TBC1D22A: variants seen among roughly 807,000 people sequenced by gnomAD.
TBC1D22A encodes putative GTPase activator.
A neutral mutation model predicts 60.2 loss-of-function variants in TBC1D22A; 38 were observed. The ratio of observed to expected loss-of-function variants is 0.63; its 90% CI spans 0.49 to 0.83. TBC1D22A has a LOEUF of 0.83. Among genes scored for constraint, TBC1D22A ranks in the 40% least tolerant of loss-of-function variants. The pLI is 0.00. For missense variants in TBC1D22A, 628 were observed against 701.0 expected (o/e 0.90, Z 1.18); for synonymous variants, 302 against 281.7 (o/e 1.07, Z -0.72).
intron 8 of TBC1D22A, among the ~76,000 whole-genome samples, chr22:46,953,997 A>T (rs973035164): frequency 2.0e-5 from 3 of 152,232 alleles, no homozygotes; most frequent in Non-Finnish European, 2.9e-5. Flanking sequence ...TGATGGTCTG[A>T]TGCCAGAGAC....
chr22:46,959,181 C>T, intron 8 of TBC1D22A, among the ~76,000 whole-genome samples: 1 of 152,168 alleles, frequency 6.6e-6, no homozygotes, highest in East Asian at 1.9e-4. Flanking sequence ...TTCTACCCAA[C>T]AAAAAACTAA....
intron 8 of TBC1D22A, 115 bp downstream of exon 8, chr22:46,912,303 T>C: frequency 1.4e-6 from 1 of 698,998 alleles, no homozygotes; most frequent in South Asian, 2.3e-5. Flanking sequence ...TAATGATAGG[T>C]AATATTAGAG....
At chr22:47,049,829 A>G (rs2063150587) in intron 11 of TBC1D22A, among the ~76,000 whole-genome samples, 1 of 152,138 alleles carries the variant, frequency 6.6e-6, no homozygotes, top group Admixed American at 6.5e-5. Context: ...CTGAGAGATG[A>G]TATATTTGTG....
intron 4 of TBC1D22A, among the ~76,000 whole-genome samples, chr22:46,818,455 T>A (rs1197956685): frequency 1.3e-5 from 2 of 152,202 alleles, no homozygotes; most frequent in Non-Finnish European, 2.9e-5. Context: ...CCAGTTGTAG[T>A]TTTGTGCATA....
intron 12 of TBC1D22A, among the ~76,000 whole-genome samples, chr22:47,118,792 C>CTT (rs770656453): frequency 2.6e-3 from 314 of 121,004 alleles, no homozygotes; most frequent in African/African-American, 0.01. Context: ...GAGGAATTTA[C>CTT]ACACACACAC....
chr22:46,803,449 G>C (rs1045040010), intron 4 of TBC1D22A, among the ~76,000 whole-genome samples: 1 of 152,090 alleles, frequency 6.6e-6, no homozygotes, highest in Non-Finnish European at 1.5e-5. Context: ...CTTCTGCTGT[G>C]GGAGCTGGGG....
intron 9 of TBC1D22A, among the ~76,000 whole-genome samples, chr22:46,977,398 G>T (rs1250200403): frequency 6.6e-6 from 1 of 152,108 alleles, no homozygotes. Context: ...GGAAGACTTT[G>T]GGGTGAGTCA....
chr22:46,872,420 T>C (rs569976270), intron 4 of TBC1D22A, among the ~76,000 whole-genome samples: 1 of 152,320 alleles, frequency 6.6e-6, no homozygotes, highest in Admixed American at 6.5e-5. Flanking sequence ...TTTAAAAATA[T>C]ATTAGCAAAT....
At chr22:46,904,138 T>TCTGC (rs1481229542) in intron 7 of TBC1D22A, among the ~76,000 whole-genome samples, 82 of 55,326 alleles carry the variant, frequency 1.5e-3, no homozygotes, top group Non-Finnish European at 2.4e-3. Flanking sequence ...TATCTATCTA[T>TCTGC]CTATCTACCT....
At chr22:47,124,504 T>C (rs1280349245) in intron 12 of TBC1D22A, among the ~76,000 whole-genome samples, 3 of 152,204 alleles carry the variant, frequency 2.0e-5, no homozygotes, top group Non-Finnish European at 2.9e-5. Context: ...GGCATGGGCA[T>C]GCAGGTGGAA....
intron 11 of TBC1D22A, among the ~76,000 whole-genome samples, chr22:47,088,014 A>T (rs1193114792): frequency 6.6e-6 from 1 of 152,154 alleles, no homozygotes; most frequent in Non-Finnish European, 1.5e-5. Context: ...CAGAGGTTGC[A>T]GTGAGCCAAG....
At chr22:47,046,374 G>T (rs2063033844) in intron 11 of TBC1D22A, among the ~76,000 whole-genome samples, 1 of 152,146 alleles carries the variant, frequency 6.6e-6, no homozygotes, top group Non-Finnish European at 1.5e-5. Flanking sequence ...GGGCCTGTGG[G>T]TCCCTGGCAG....
intron 8 of TBC1D22A, among the ~76,000 whole-genome samples, chr22:46,931,915 A>C (rs1318009842): frequency 1.3e-5 from 2 of 152,242 alleles, no homozygotes; most frequent in African/African-American, 4.8e-5. Context: ...GCATTTAGTT[A>C]GGAGATCCTT....
intron 1 of TBC1D22A, among the ~76,000 whole-genome samples, chr22:46,783,167 G>A (rs572132383): frequency 3.9e-5 from 6 of 152,300 alleles, no homozygotes; most frequent in Admixed American, 3.9e-4. Flanking sequence ...GGTATCCGAT[G>A]GTGGTTTTGA....
intron 11 of TBC1D22A, among the ~76,000 whole-genome samples, chr22:47,059,366 C>T (rs991299388): frequency 1.3e-5 from 2 of 152,240 alleles, no homozygotes; most frequent in African/African-American, 4.8e-5. Flanking sequence ...GCACTGGCAG[C>T]GTCCCCCCGG....
At chr22:46,848,841 AGTGT>A (rs1458609142) in intron 4 of TBC1D22A, among the ~76,000 whole-genome samples, 1 of 150,210 alleles carries the variant, frequency 6.7e-6, no homozygotes, top group Non-Finnish European at 1.5e-5. Flanking sequence ...TGTTTCTTTG[AGTGT>A]GTTTCAGCCC....
intron 4 of TBC1D22A, among the ~76,000 whole-genome samples, chr22:46,850,567 C>T (rs2087226423): frequency 1.3e-5 from 2 of 152,142 alleles, no homozygotes; most frequent in South Asian, 2.1e-4. Context: ...AACTCTTATA[C>T]GCTGCTGGTG....
chr22:47,109,418 G>C (rs935926294), intron 11 of TBC1D22A, among the ~76,000 whole-genome samples: 2 of 152,200 alleles, frequency 1.3e-5, no homozygotes, highest in African/African-American at 4.8e-5. Context: ...GCAGGGCACT[G>C]TATCCAGGAA....
intron 12 of TBC1D22A, among the ~76,000 whole-genome samples, chr22:47,129,692 T>C (rs1213193896): frequency 6.6e-6 from 1 of 152,128 alleles, no homozygotes; most frequent in African/African-American, 2.4e-5. Flanking sequence ...CAAGTATTAA[T>C]GCCCCAAGCC....
Sources: gnomAD v4.1 joint callset for allele counts (sites outside exome capture counted in the v4.1 genomes callset) on GRCh38, gnomAD v4.1.1 for gene constraint, MANE v1.5 for transcripts, NCBI Gene and HGNC (gene_info 2026-07-23, HGNC 2026-07-21) for gene names.